The following ESR1 variants were observed in gnomAD, a reference collection of about 807,000 sequenced individuals.
ESR1 encodes estrogen receptor.
ESR1 carries 12 observed loss-of-function variants against 52.7 expected under a neutral mutation model. The ratio of observed to expected loss-of-function variants is 0.23; its 90% CI spans 0.15 to 0.37. The LOEUF is 0.37. ESR1 is among the 10% of genes least tolerant of loss of function. The pLI is 1.00. For missense variants in ESR1, 584 were observed against 779.7 expected (o/e 0.75, Z 2.99); for synonymous variants, 305 against 316.8 (o/e 0.96, Z 0.39).
chr6:152,044,534 A>G lies in ESR1; in HGVS notation c.1236-16457A>G, dbSNP rs1374466665. On this transcript the variant is annotated intron_variant, in intron 5 of 7. Transcript: ENST00000206249. Reference sequence around the variant, plus strand: ...AGCTGAGGAGCAAGGAAGCCAGTCCAAGTCCCAAAACCTCAAAACTAGGGA... The same window carrying G: ...AGCTGAGGAGCAAGGAAGCCAGTCCGAGTCCCAAAACCTCAAAACTAGGGA... 2.6e-5 allele frequency among the ~76,000 whole-genome samples: 4 copies of G among 152,334 alleles called. 1 individual carries two copies. In the East Asian group the frequency reaches 7.7e-4, roughly 29 times the overall value.
chr6:151,776,074 T>G (rs960626736), intron 2 of ESR1, among the ~76,000 whole-genome samples: 1 of 151,936 alleles, frequency 6.6e-6, no homozygotes, highest in South Asian at 2.1e-4. Flanking sequence ...TTGTTGCGAG[T>G]AAAAATGTTC....
chr6:151,686,084 T>TA (rs1778658656), upstream of ESR1, among the ~76,000 whole-genome samples: 2 of 148,712 alleles, frequency 1.3e-5, no homozygotes, highest in Non-Finnish European at 1.5e-5. Context: ...TTTTTTTTTT[T>TA]TTTTATTTAG....
intron 3 of ESR1, among the ~76,000 whole-genome samples, chr6:151,882,507 A>G (rs1284599391): frequency 1.3e-5 from 2 of 152,224 alleles, no homozygotes; most frequent in African/African-American, 2.4e-5. Flanking sequence ...GTCAGGCTTA[A>G]TTAAACTTAC....
intron 1 of ESR1, among the ~76,000 whole-genome samples, chr6:151,672,309 C>G (rs1778091726): frequency 6.6e-6 from 1 of 151,172 alleles, no homozygotes. Context: ...TAGGCACACA[C>G]CACCATGCCA....
At chr6:151,805,127 G>A (rs1777656662), upstream of ESR1, 1 of 152,156 alleles carries the variant, frequency 6.6e-6, no homozygotes, top group African/African-American at 2.4e-5. Flanking sequence ...AAGTGGAGGA[G>A]TATTACATTT....
At chr6:151,695,447 C>G (rs1366079292) in intron 1 of ESR1, among the ~76,000 whole-genome samples, 1 of 152,178 alleles carries the variant, frequency 6.6e-6, no homozygotes, top group Non-Finnish European at 1.5e-5. Flanking sequence ...CTGACTTTTG[C>G]TGGAATAGGA....
intron 4 of ESR1, among the ~76,000 whole-genome samples, chr6:151,961,008 G>C (rs2037593043): frequency 6.6e-6 from 1 of 152,198 alleles, no homozygotes; most frequent in Admixed American, 6.5e-5. Context: ...CTGATATGGG[G>C]AAGTCTACAG....
chr6:151,694,509 C>T (rs1424347903), intron 1 of ESR1, among the ~76,000 whole-genome samples: 1 of 152,074 alleles, frequency 6.6e-6, no homozygotes, highest in Non-Finnish European at 1.5e-5. Flanking sequence ...AAGTTGTGGC[C>T]GGGATTGGTG....
intron 6 of ESR1, among the ~76,000 whole-genome samples, chr6:152,066,980 CAT>C: frequency 6.6e-6 from 1 of 152,236 alleles, no homozygotes; most frequent in Non-Finnish European, 1.5e-5. Flanking sequence ...AGTAGATGCA[CAT>C]GAGTGTTACT....
intron 2 of ESR1, among the ~76,000 whole-genome samples, chr6:151,864,391 C>T (rs1293092843): frequency 6.6e-6 from 1 of 152,094 alleles, no homozygotes; most frequent in African/African-American, 2.4e-5. Flanking sequence ...CAATGAGATA[C>T]CATCTCACAC....
intron 4 of ESR1, among the ~76,000 whole-genome samples, chr6:151,988,389 T>A (rs2040702373): frequency 6.6e-6 from 1 of 151,902 alleles, no homozygotes; most frequent in Admixed American, 6.6e-5. Flanking sequence ...TGACAGGAGG[T>A]GGAGCTCAGG....
chr6:151,897,865 G>A (rs180801621), intron 3 of ESR1, among the ~76,000 whole-genome samples: 4 of 152,080 alleles, frequency 2.6e-5, no homozygotes, highest in Non-Finnish European at 4.4e-5. Flanking sequence ...TTAGCAGTTC[G>A]TGTAGTCATG....
At chr6:152,014,236 G>A (rs916070655) in intron 5 of ESR1, among the ~76,000 whole-genome samples, 3 of 152,100 alleles carry the variant, frequency 2.0e-5, no homozygotes, top group Non-Finnish European at 4.4e-5. Flanking sequence ...TTAGCAGCTT[G>A]AGAACAGACT....
intron 3 of ESR1, among the ~76,000 whole-genome samples, chr6:151,892,077 T>A (rs1794777947): frequency 1.3e-5 from 2 of 152,214 alleles, no homozygotes; most frequent in African/African-American, 4.8e-5. Context: ...TTTTGTCAAA[T>A]AGGAGTCCCA....
intron 4 of ESR1, among the ~76,000 whole-genome samples, chr6:151,964,593 T>C (rs2038045687): frequency 6.6e-6 from 1 of 152,158 alleles, no homozygotes. Context: ...GTTTTCTGTA[T>C]ATATGATGAT....
chr6:151,832,820 G>A (rs190527301), intron 1 of ESR1, among the ~76,000 whole-genome samples: 97 of 152,262 alleles, frequency 6.4e-4, no homozygotes, highest in African/African-American at 2.3e-3. Flanking sequence ...GGGAAGGCAA[G>A]GCATGCAATA....
chr6:151,963,043 C>T (rs1409902304), intron 4 of ESR1, among the ~76,000 whole-genome samples: 1 of 151,986 alleles, frequency 6.6e-6, no homozygotes, highest in Admixed American at 6.6e-5. Flanking sequence ...TTTTTCTGGT[C>T]CCCAAATTAT....
intron 2 of ESR1, among the ~76,000 whole-genome samples, chr6:151,777,310 G>A (rs919035447): frequency 3.3e-5 from 5 of 151,742 alleles, no homozygotes; most frequent in African/African-American, 7.3e-5. Flanking sequence ...GTAGAGACAC[G>A]GTTTTACCAT....
chr6:151,749,189 A>G (rs1783713085), intron 2 of ESR1, among the ~76,000 whole-genome samples: 1 of 114,750 alleles, frequency 8.7e-6, no homozygotes, highest in Non-Finnish European at 2.1e-5. Flanking sequence ...TTTTGGGAAA[A>G]GACAAAAAAA....
Sources: allele counts gnomAD v4.1 joint callset (sites outside exome capture counted in the v4.1 genomes callset), GRCh38; gene constraint gnomAD v4.1.1; transcripts MANE v1.5; gene names NCBI Gene and HGNC (gene_info 2026-07-23, HGNC 2026-07-21).